FSD1L: variants seen among roughly 807,000 people sequenced by gnomAD.
FSD1L encodes fibronectin type III and SPRY domain containing 1 like, also known as FSD1-like protein.
Under a neutral mutation model 71.6 loss-of-function variants are expected in FSD1L, and 45 were observed. That is an observed-to-expected ratio of 0.63 (90% CI 0.49 to 0.81). The LOEUF (loss-of-function observed/expected upper bound fraction) is 0.81. Among genes scored for constraint, FSD1L ranks in the 30% least tolerant of loss-of-function variants. FSD1L has a pLI of 0.00. For missense variants in FSD1L, 561 were observed against 618.1 expected, an observed-to-expected ratio of 0.91 and a Z score of 0.98; for synonymous variants, 197 against 207.2, an observed-to-expected ratio of 0.95 and a Z score of 0.42.
chr9:105,523,660 T>C, intron 10 of FSD1L: 2 of 1,603,146 alleles, frequency 1.2e-6, no homozygotes, highest in Admixed American at 1.7e-5. Context: ...AAGGCAACCA[T>C]GTTGACTGAT....
intron 9 of FSD1L, among the ~76,000 whole-genome samples, chr9:105,509,153 TTTCAA>T (rs1461580293): frequency 2.6e-5 from 4 of 152,232 alleles, no homozygotes; most frequent in Non-Finnish European, 5.9e-5. Flanking sequence ...TACAAAACAC[TTTCAA>T]TTCTTTATTA....
chr9:105,524,436 C>T, intron 10 of FSD1L: 1 of 1,613,456 alleles, frequency 6.2e-7, no homozygotes, highest in Non-Finnish European at 8.5e-7. Flanking sequence ...ACTTCTCTGC[C>T]TTCTGGACTG....
At chr9:105,492,586 G>A (rs184678592) in intron 7 of FSD1L, among the ~76,000 whole-genome samples, 1 of 152,088 alleles carries the variant, frequency 6.6e-6, no homozygotes, top group Non-Finnish European at 1.5e-5. Context: ...TTTTAATTGT[G>A]ATGTTAGGGT....
At chr9:105,484,618 C>T in intron 7 of FSD1L, 116 bp downstream of exon 7, 2 of 570,652 alleles carry the variant, frequency 3.5e-6, no homozygotes, top group Non-Finnish European at 5.4e-6. Flanking sequence ...ATTTTTTTTT[C>T]ATTCAGCTAA....
intron 7 of FSD1L, among the ~76,000 whole-genome samples, chr9:105,494,008 T>A (rs1833155322): frequency 6.6e-6 from 1 of 152,244 alleles, no homozygotes; most frequent in African/African-American, 2.4e-5. Context: ...GGAGTATCTT[T>A]GTGTCATTCT....
At position 105,485,745 on chromosome 9, in the gene FSD1L, G is replaced by A. The variant is rs551069525; in HGVS notation, c.586+1243G>A. 7.9e-5 allele frequency among the ~76,000 whole-genome samples: 12 copies of A among 151,526 alleles called. No individual in the cohort carries two copies. In the East Asian group the frequency reaches 1.7e-3, roughly 22 times the overall value. ...TGCAAGCTCTGCCTCCTGGGTTTGC[G>A]CCATTCTCCTGCCTCAGCCTCCCAA... On this transcript the variant is annotated intron_variant, in intron 7 of 13. Transcript: ENST00000481272.
At chr9:105,451,637 C>A (rs931272935) in intron 1 of FSD1L, among the ~76,000 whole-genome samples, 4 of 152,138 alleles carry the variant, frequency 2.6e-5, no homozygotes, top group African/African-American at 4.8e-5. Flanking sequence ...TTGTTTATAT[C>A]GAGTTTCTGG....
At chr9:105,502,135 A>G (rs958805210) in intron 7 of FSD1L, among the ~76,000 whole-genome samples, 9 of 152,152 alleles carry the variant, frequency 5.9e-5, no homozygotes, top group African/African-American at 2.2e-4. Flanking sequence ...CAAACTGCTT[A>G]TGTTTAAATC....
chr9:105,451,518 A>G (rs1427903942), intron 1 of FSD1L, among the ~76,000 whole-genome samples: 1 of 152,246 alleles, frequency 6.6e-6, no homozygotes, highest in Non-Finnish European at 1.5e-5. Flanking sequence ...TGTTAGCAGC[A>G]GATGCTCTGT....
chr9:105,472,205 A>G, intron 5 of FSD1L, 200 bp downstream of exon 5: 2 of 549,838 alleles, frequency 3.6e-6, no homozygotes, highest in Non-Finnish European at 5.7e-6. Flanking sequence ...GTCATCAACA[A>G]ATATGTTTAA....
chr9:105,532,256 A>C (rs1461143565), intron 10 of FSD1L, among the ~76,000 whole-genome samples: 1 of 152,246 alleles, frequency 6.6e-6, no homozygotes. Flanking sequence ...GAAAACATAC[A>C]GACCTTTTGT....
chr9:105,523,212 G>A, intron 10 of FSD1L: 3 of 1,613,054 alleles, frequency 1.9e-6, no homozygotes, highest in Non-Finnish European at 1.7e-6. Flanking sequence ...TACTGGTTCA[G>A]AAAGTGCTTC....
chr9:105,459,176 C>G (rs1830538942), intron 1 of FSD1L, among the ~76,000 whole-genome samples: 1 of 152,160 alleles, frequency 6.6e-6, no homozygotes, highest in Non-Finnish European at 1.5e-5. Context: ...AAAATTTTAG[C>G]TTTATGTCAC....
At chr9:105,496,780 T>G (rs1211440170) in intron 7 of FSD1L, among the ~76,000 whole-genome samples, 1 of 152,228 alleles carries the variant, frequency 6.6e-6, no homozygotes, top group East Asian at 1.9e-4. Flanking sequence ...TTTTGTTGAT[T>G]CTTTTGGATT....
At chr9:105,528,738 A>G (rs1235078706) in intron 10 of FSD1L, among the ~76,000 whole-genome samples, 1 of 152,206 alleles carries the variant, frequency 6.6e-6, no homozygotes, top group Non-Finnish European at 1.5e-5. Flanking sequence ...CTTCATGTCT[A>G]AAATACCAAA....
rs7030739 is a variant in FSD1L at position 105,545,361 on chromosome 9, A to G, written c.1468-997A>G. On this transcript the variant is annotated intron_variant, in intron 13 of 13. Coordinates refer to ENST00000481272, the MANE Select transcript of FSD1L (RefSeq NM_001145313.3). ...GGTTTTCTAGATATACAATCATGTC[A>G]TCTGCAAACAGGGACAATTTGACTT... Among the ~76,000 whole-genome samples the G allele has an allele frequency of 3.0e-3, 404 of 135,064 alleles. 12 individuals are homozygous for G. The highest frequency in any genetic ancestry group is 0.011 in the Middle Eastern group (3 of 266). The allele number at this position is 135,064 out of a possible 152,430, so 88.6% of individuals were successfully genotyped here. A position where few individuals can be genotyped will look rare whatever the true frequency, so the allele number is the denominator to read the frequency against.
At chr9:105,508,880 A>G (rs929755987) in intron 9 of FSD1L, among the ~76,000 whole-genome samples, 165 bp downstream of exon 9, 5 of 152,228 alleles carry the variant, frequency 3.3e-5, no homozygotes, top group African/African-American at 1.2e-4. Context: ...GGACTACAGT[A>G]GTGGTTTTCA....
rs557624149 is a variant in FSD1L at position 105,522,504 on chromosome 9, C to T, written c.1025+9568C>T. The T allele has an allele frequency of 2.4e-4, 390 of 1,613,640 alleles. 1 individual carries two copies. The highest frequency in any genetic ancestry group is 1.9e-3 in the South Asian group (170 of 91,068). On this transcript the variant is annotated intron_variant, in intron 10 of 13. Coordinates refer to ENST00000481272, the MANE Select transcript of FSD1L (RefSeq NM_001145313.3). ...AACCGAAAAGGCGAGGAGTATAGTACGGCAAAAAACTGTCGATATTGATGA... is the reference window on the plus strand; with the variant it reads ...AACCGAAAAGGCGAGGAGTATAGTATGGCAAAAAACTGTCGATATTGATGA...
Position 105,479,339 on chromosome 9 carries a change from C to G in FSD1L, c.442-15C>G. 1 of 1,550,424 alleles carries G rather than the reference C, an allele frequency of 6.4e-7. No homozygotes were observed. Among genetic ancestry groups the G allele is most frequent in the Non-Finnish European group, 8.7e-7 (1 of 1,146,194 alleles). The stretch of plus-strand genomic sequence containing the variant: ...CTAACTTGCCTTCTTTCTCTTCTCC[C>G]TGATTGGCTCCAAGGCTGCCAGACA... On this transcript the variant is annotated splice_polypyrimidine_tract_variant and intron_variant, in intron 5 of 13. Transcript: ENST00000481272.
Sources: allele counts gnomAD v4.1 joint callset (sites outside exome capture counted in the v4.1 genomes callset), GRCh38; gene constraint gnomAD v4.1.1; transcripts MANE v1.5; gene names NCBI Gene and HGNC (gene_info 2026-07-23, HGNC 2026-07-21).